The following KCNC4 variants were observed in gnomAD, a reference collection of about 807,000 sequenced individuals.
KCNC4 encodes potassium voltage-gated channel subfamily C member 4.
KCNC4 carries 23 observed loss-of-function variants against 42.8 expected under a neutral mutation model. The observed-to-expected ratio is 0.54, with a 90% confidence interval of 0.39 to 0.76. KCNC4 has a LOEUF of 0.76. Ranked by LOEUF, KCNC4 falls within the 30% of genes least tolerant of loss-of-function variation. The pLI is 0.00. For synonymous variants in KCNC4, 422 were observed against 393.5 expected (o/e 1.07, Z -0.86); for missense variants, 751 against 898.2 (o/e 0.84, Z 2.10).
intron 1 of KCNC4, among the ~76,000 whole-genome samples, chr1:110,280,290 T>C (rs1659799263): frequency 6.6e-6 from 1 of 152,014 alleles, no homozygotes; most frequent in South Asian, 2.1e-4. Flanking sequence ...AAGCTGGTCT[T>C]TGTAAAGCCC....
chr1:110,213,335 G>T (rs1341853427), intron 1 of KCNC4, among the ~76,000 whole-genome samples: 1 of 152,118 alleles, frequency 6.6e-6, no homozygotes, highest in Non-Finnish European at 1.5e-5. Context: ...TTGGGTCTGG[G>T]GACTGCTGCT....
rs150591419 is a variant in KCNC4, at chr1:110,226,126, C to T, written c.1767C>T (p.Cys589=). 4.6e-4 allele frequency: 741 copies of T among 1,614,186 alleles called. 6 individuals carry two copies. The Middle Eastern group carries it at 5.3e-3, about 11-fold the overall frequency. ...TRDRNKKAAA[C]FLLSTGDYAC... is the part of the protein sequence containing the mutation. Reference sequence around the variant, plus strand: ...ACAGAAACAAGAAGGCAGCTGCCTGCTTCCTGCTCAGCACTGGGGACTATG... The same window carrying T: ...ACAGAAACAAGAAGGCAGCTGCCTGTTTCCTGCTCAGCACTGGGGACTATG... The change falls in exon 3 of 4, where the codon TGC becomes TGT. Residue 589 remains cysteine, a synonymous_variant. Coordinates refer to ENST00000438661, the MANE Select transcript of KCNC4 (RefSeq NM_001039574.3).
chr1:110,225,116 G>A (rs1427157465), intron 2 of KCNC4: 1 of 152,234 alleles, frequency 6.6e-6, no homozygotes, highest in Non-Finnish European at 1.5e-5. Context: ...GCACTCTGAG[G>A]CCCATTCAGG....
chr1:110,254,687 T>A (rs539512219), intron 1 of KCNC4, among the ~76,000 whole-genome samples: 62 of 152,336 alleles, frequency 4.1e-4, no homozygotes, highest in African/African-American at 1.4e-3. Context: ...TGTCTGTAGA[T>A]CCTGCCAAGG....
At chr1:110,243,079 G>A (rs1309484673) in exon 4 of KCNC4, 3 of 152,278 alleles carry the variant, frequency 2.0e-5, no homozygotes, top group African/African-American at 7.2e-5. Flanking sequence ...AAATGGAGGT[G>A]GGATATGTGA....
chr1:110,266,283 T>TA, intron 1 of KCNC4, among the ~76,000 whole-genome samples: 1 of 152,112 alleles, frequency 6.6e-6, no homozygotes, highest in Non-Finnish European at 1.5e-5. Flanking sequence ...TATTGAAACA[T>TA]TCATAGCCGC....
At chr1:110,258,299 G>A (rs1323932995) in intron 1 of KCNC4, among the ~76,000 whole-genome samples, 3 of 152,090 alleles carry the variant, frequency 2.0e-5, no homozygotes, top group African/African-American at 4.8e-5. Context: ...GTACAGTGGC[G>A]TGATCTCGGC....
chr1:110,212,320 T>C, intron 1 of KCNC4, 143 bp downstream of exon 1: 1 of 890,618 alleles, frequency 1.1e-6, no homozygotes, highest in Middle Eastern at 3.2e-4. Flanking sequence ...TCAACCCCCC[T>C]CCGTGGCTCG....
Position 110,223,090 on chromosome 1 carries a change from G to C in KCNC4, c.805G>C (p.Val269Leu). The change falls in exon 2 of 4, where the codon GTG becomes CTG. Residue 269 changes from valine (V) to leucine (L), a missense_variant. Physicochemically the swap from Val to Leu is conservative, Grantham distance 32. Transcript: ENST00000438661. The surrounding 1 kb of genome is among the most constrained non-coding windows in gnomAD (Gnocchi z 7.5). ...CCTCCGCGTAGGGAACATCACCAGC[G>C]TGCACTTCCGGCGGGAGGTAGAGAC... ...EILRVGNITSVHFRREVETEP... is the reference protein window; with the variant it reads ...EILRVGNITSLHFRREVETEP... 6.2e-7 allele frequency: 1 copy of C among 1,614,178 alleles called. No homozygotes were observed. Among genetic ancestry groups the C allele is most frequent in the Non-Finnish European group, 8.5e-7 (1 of 1,180,024 alleles).
At chr1:110,252,674 T>C (rs551674510), downstream of KCNC4, among the ~76,000 whole-genome samples, 1 of 152,220 alleles carries the variant, frequency 6.6e-6, no homozygotes, top group Non-Finnish European at 1.5e-5. Context: ...GCATCTACTC[T>C]GTGCCAAATA....
chr1:110,232,100 T>C (rs746959795), intron 3 of KCNC4: 4 of 864,246 alleles, frequency 4.6e-6, no homozygotes, highest in Non-Finnish European at 7.3e-6. Context: ...ACTGGTAAGG[T>C]AGGGGAAGGA....
chr1:110,212,071 C>G lies in KCNC4; in HGVS notation c.572C>G (p.Pro191Arg). The G allele has an allele frequency of 6.5e-7, 1 of 1,545,244 alleles. No homozygotes were observed. The highest frequency in any genetic ancestry group is 8.7e-7 in the Non-Finnish European group (1 of 1,152,876). ...ERELALQRLG[P>R]HEGGAGHGAG... ...GAGCTGGCCCTGCAGCGACTGGGCC[C>G]CCACGAGGGAGGCGCGGGCCATGGC... Residue 191 changes from proline (P) to arginine (R), a missense_variant, in exon 1 of 4, where the codon CCC becomes CGC. Transcript: ENST00000438661.
chr1:110,281,026 G>T (rs554199103), intron 1 of KCNC4, among the ~76,000 whole-genome samples: 4 of 152,324 alleles, frequency 2.6e-5, no homozygotes, highest in African/African-American at 7.2e-5. Context: ...AAGTCACTCA[G>T]ATCCTCCTGG....
intron 1 of KCNC4, among the ~76,000 whole-genome samples, chr1:110,260,551 A>T (rs930579527): frequency 6.6e-6 from 1 of 152,222 alleles, no homozygotes; most frequent in Non-Finnish European, 1.5e-5. Flanking sequence ...AAACAAAAAG[A>T]ATATTTCTGG....
intron 1 of KCNC4, among the ~76,000 whole-genome samples, chr1:110,281,080 C>T (rs187123307): frequency 2.6e-3 from 401 of 152,040 alleles, no homozygotes; most frequent in Non-Finnish European, 4.0e-3. Flanking sequence ...GGTGGTGGTG[C>T]GGGGGCTTCT....
intron 1 of KCNC4, among the ~76,000 whole-genome samples, chr1:110,275,754 C>G (rs151235244): frequency 1.3e-5 from 2 of 151,936 alleles, no homozygotes; most frequent in African/African-American, 4.8e-5. Flanking sequence ...GTCAGGAGAT[C>G]GAGACCATTC....
intron 3 of KCNC4, among the ~76,000 whole-genome samples, chr1:110,226,933 C>T (rs753788026): frequency 1.2e-4 from 18 of 152,140 alleles, no homozygotes; most frequent in East Asian, 1.9e-4. Flanking sequence ...CCTCGGAAAG[C>T]GGGTAGGAAT....
rs141556513 is a variant in KCNC4, at chr1:110,216,831, C to CA, written c.678+4655dup. ...TAAGGGGTGGTCACCTGGCCCCTAG[C>CA]AGGGGTCCTTATCTGGAAGTGGACC... On this transcript the variant is annotated intron_variant, in intron 1 of 3. Coordinates refer to ENST00000438661, the MANE Select transcript of KCNC4 (RefSeq NM_001039574.3). 6.3e-3 allele frequency among the ~76,000 whole-genome samples: 965 copies of CA among 152,248 alleles called. 16 individuals carry two copies. Among genetic ancestry groups the CA allele is most frequent in the African/African-American group, 0.02 (849 of 41,544 alleles).
rs137885705 is a variant in KCNC4, at chr1:110,226,073, C to T, written c.1714C>T (p.Arg572Trp). ...LASSPTPEER[R>W]ALRRSTTRDR... ...CTCCTCCCCGACCCCCGAGGAGCGC[C>T]GGGCCCTGCGACGCTCCACCACTCG... The change falls in exon 3 of 4, where the codon CGG becomes TGG. Residue 572 changes from arginine (R) to tryptophan (W), a missense_variant. Around this residue, in one of 4 missense-constraint regions of KCNC4, gnomAD observed 202 missense variants for 181.5 expected, o/e 1.11. Transcript: ENST00000438661. 1.8e-4 allele frequency: 286 copies of T among 1,613,964 alleles called. No individual in the cohort carries two copies. The highest frequency in any genetic ancestry group is 3.3e-4 in the African/African-American group (25 of 74,930).
Sources: gnomAD v4.1 joint callset for allele counts (sites outside exome capture counted in the v4.1 genomes callset) on GRCh38, gnomAD v4.1.1 for gene constraint, gnomAD v4.1.1 regional missense constraint, Gnocchi (gnomAD v3.1) non-coding constraint, MANE v1.5 for transcripts, NCBI Gene and HGNC (gene_info 2026-07-23, HGNC 2026-07-21) for gene names.